The following SLC2A13 variants were observed in gnomAD, a reference collection of about 807,000 sequenced individuals.
SLC2A13 encodes proton myo-inositol cotransporter.
Under a neutral mutation model 64.4 loss-of-function variants are expected in SLC2A13, and 32 were observed. The observed-to-expected ratio is 0.50, with a 90% confidence interval of 0.37 to 0.67. SLC2A13 has a LOEUF of 0.67. Ranked by LOEUF, SLC2A13 falls within the 30% of genes least tolerant of loss-of-function variation. The pLI, the probability that SLC2A13 is intolerant of heterozygous loss-of-function variation, is 0.00. For synonymous variants in SLC2A13, 338 were observed against 327.1 expected, an observed-to-expected ratio of 1.03 and a Z score of -0.36; for missense variants, 743 against 829.2, an observed-to-expected ratio of 0.90 and a Z score of 1.28.
At chr12:40,018,924 A>G (rs1947664472) in intron 3 of SLC2A13, among the ~76,000 whole-genome samples, 1 of 152,208 alleles carries the variant, frequency 6.6e-6, no homozygotes, top group African/African-American at 2.4e-5. Context: ...TCTGGGCACT[A>G]CTGAAATAAA....
At chr12:39,928,980 C>A (rs1198690213) in intron 4 of SLC2A13, among the ~76,000 whole-genome samples, 1 of 152,168 alleles carries the variant, frequency 6.6e-6, no homozygotes, top group Non-Finnish European at 1.5e-5. Context: ...ATCCTTTGCC[C>A]TCCCCACACA....
intron 7 of SLC2A13, among the ~76,000 whole-genome samples, chr12:39,805,247 A>T (rs1455441452): frequency 6.6e-6 from 1 of 152,174 alleles, no homozygotes; most frequent in Non-Finnish European, 1.5e-5. Flanking sequence ...CAGAGTGTTG[A>T]ACAGAAAGTG....
intron 7 of SLC2A13, among the ~76,000 whole-genome samples, chr12:39,768,442 A>G (rs770033788): frequency 2.6e-5 from 4 of 152,230 alleles, no homozygotes; most frequent in African/African-American, 9.6e-5. Flanking sequence ...CTTTCAGCCT[A>G]TCTCAGCTTT....
chr12:40,069,671 C>A (rs967776495), intron 1 of SLC2A13, among the ~76,000 whole-genome samples: 1 of 151,290 alleles, frequency 6.6e-6, no homozygotes, highest in Non-Finnish European at 1.5e-5. Flanking sequence ...TGCCTAGTTT[C>A]TACAGGAAGC....
chr12:39,759,810 T>C lies in SLC2A13; in HGVS notation c.*216A>G. 3.8e-6 allele frequency: 2 copies of C among 522,114 alleles called. No individual in the cohort carries two copies. Among genetic ancestry groups the C allele is most frequent in the Non-Finnish European group, 6.8e-6 (2 of 295,898 alleles). The allele number at this position is 522,114 out of a possible 1,614,324, so 32.3% of individuals were successfully genotyped here. On this transcript the variant is annotated 3_prime_UTR_variant, in exon 10 of 10. Coordinates refer to ENST00000280871, the MANE Select transcript of SLC2A13 (RefSeq NM_052885.4). ...CACATTTGCTTAAGAATTATTAGAT[T>C]AAAATCTCTGTAAATATTTTTTAAA...
chr12:40,073,470 T>TA (rs920181593), intron 1 of SLC2A13, among the ~76,000 whole-genome samples: 1 of 152,150 alleles, frequency 6.6e-6, no homozygotes, highest in African/African-American at 2.4e-5. Context: ...AATGATTAAT[T>TA]AAAAAATGAA....
rs926656999 is a variant in SLC2A13, at chr12:39,984,732, G to A, written c.926-33367C>T. On this transcript the variant is annotated intron_variant, in intron 3 of 9. Coordinates refer to ENST00000280871, the MANE Select transcript of SLC2A13 (RefSeq NM_052885.4). Reference sequence around the variant, plus strand: ...TTTCTCTCAGTTAATTTTTTTAAGAGGCTAATGTCCGTCTTGATGAAAAAT... The same window carrying A: ...TTTCTCTCAGTTAATTTTTTTAAGAAGCTAATGTCCGTCTTGATGAAAAAT... 1.9e-4 allele frequency among the ~76,000 whole-genome samples: 29 copies of A among 152,072 alleles called. 1 individual carries two copies. The highest frequency in any genetic ancestry group is 4.4e-5 in the Non-Finnish European group (3 of 68,004).
intron 5 of SLC2A13, among the ~76,000 whole-genome samples, chr12:39,870,556 C>A (rs1944020937): frequency 6.6e-6 from 1 of 152,146 alleles, no homozygotes; most frequent in South Asian, 2.1e-4. Flanking sequence ...AGTCTGTTCT[C>A]CAGGCTATAT....
chr12:39,839,599 C>T (rs1475343717), intron 6 of SLC2A13, among the ~76,000 whole-genome samples: 1 of 152,002 alleles, frequency 6.6e-6, no homozygotes, highest in Non-Finnish European at 1.5e-5. Flanking sequence ...GTTCTCATCC[C>T]TTGTGCTGCT....
At chr12:39,989,019 T>C (rs1349698501) in intron 3 of SLC2A13, among the ~76,000 whole-genome samples, 6 of 152,204 alleles carry the variant, frequency 3.9e-5, no homozygotes, top group Non-Finnish European at 7.4e-5. Context: ...TCTCACTCCA[T>C]GTACTCTGAG....
intron 3 of SLC2A13, among the ~76,000 whole-genome samples, chr12:39,991,317 G>A (rs1407015764): frequency 2.0e-5 from 3 of 152,150 alleles, no homozygotes; most frequent in South Asian, 2.1e-4. Flanking sequence ...AAGTGACATC[G>A]TAGCCCTACC....
intron 3 of SLC2A13, among the ~76,000 whole-genome samples, chr12:40,026,945 T>C (rs975749960): frequency 2.0e-5 from 3 of 152,142 alleles, no homozygotes; most frequent in African/African-American, 7.2e-5. Flanking sequence ...CCAGGCATGA[T>C]GGCCCATGCC....
chr12:40,047,771 T>G (rs574343691), intron 2 of SLC2A13, among the ~76,000 whole-genome samples: 33 of 152,330 alleles, frequency 2.2e-4, no homozygotes, highest in Non-Finnish European at 3.8e-4. Context: ...TGCATTCATT[T>G]TTAAACAAAT....
At chr12:39,961,529 C>T (rs1946413263) in intron 3 of SLC2A13, among the ~76,000 whole-genome samples, 1 of 152,164 alleles carries the variant, frequency 6.6e-6, no homozygotes, top group African/African-American at 2.4e-5. Context: ...GACAGGGTCT[C>T]ACTCTGTGCC....
rs1947852514 is a variant in SLC2A13, at chr12:40,028,288, A to G, written c.925+13T>C. 6.2e-7 allele frequency: 1 copy of G among 1,602,206 alleles called. No homozygotes were observed. The highest frequency in any genetic ancestry group is 1.3e-5 in the African/African-American group (1 of 74,570). ...ATAGTTTTTAAATTCATATAAGTAT[A>G]AAGTCTATATACCTGAGCCAACCTC... is the stretch of plus-strand genomic sequence containing the variant. On this transcript the variant is annotated intron_variant, in intron 3 of 9. Transcript: ENST00000280871.
Position 40,106,054 on chromosome 12 carries a change from C to A in SLC2A13, c.-246G>T, listed in dbSNP as rs1360260438. On this transcript the variant is annotated 5_prime_UTR_variant, in exon 1 of 10. Coordinates refer to ENST00000280871, the MANE Select transcript of SLC2A13 (RefSeq NM_052885.4). Reference sequence around the variant, plus strand: ...TCTCACTCCACACTCACGCCCCGCGCCTGCCGAGCTGGCGCTGCGGAGCGG... The same window carrying A: ...TCTCACTCCACACTCACGCCCCGCGACTGCCGAGCTGGCGCTGCGGAGCGG... 3 of 365,002 alleles carry A rather than the reference C, an allele frequency of 8.2e-6. No individual in the cohort carries two copies. The highest frequency in any genetic ancestry group is 1.4e-5 in the Non-Finnish European group (3 of 210,830). The allele number at this position is 365,002 out of a possible 1,614,324, so 22.6% of individuals were successfully genotyped here.
At chr12:39,891,973 C>T (rs961379042) in intron 4 of SLC2A13, among the ~76,000 whole-genome samples, 4 of 152,016 alleles carry the variant, frequency 2.6e-5, no homozygotes, top group African/African-American at 7.2e-5. Context: ...GTTATCTGAA[C>T]GATTTTTTTA....
chr12:40,100,226 G>C (rs1939098022), intron 1 of SLC2A13, among the ~76,000 whole-genome samples: 1 of 152,178 alleles, frequency 6.6e-6, no homozygotes, highest in Non-Finnish European at 1.5e-5. Context: ...AGGAGAAACT[G>C]ATGTAAATCT....
At chr12:39,951,470 T>C (rs1946228632) in intron 3 of SLC2A13, 105 bp from the exon 4 acceptor site, 1 of 740,248 alleles carries the variant, frequency 1.4e-6, no homozygotes. Context: ...GAAATCAACA[T>C]GACTGGGCAT....
Sources: gnomAD v4.1 joint callset for allele counts (sites outside exome capture counted in the v4.1 genomes callset) on GRCh38, gnomAD v4.1.1 for gene constraint, MANE v1.5 for transcripts, NCBI Gene and HGNC (gene_info 2026-07-23, HGNC 2026-07-21) for gene names.